The following P4HA1 variants were observed in gnomAD, a reference collection of about 807,000 sequenced individuals.
P4HA1 encodes the protein prolyl 4-hydroxylase subunit alpha-1.
In P4HA1, 24 loss-of-function variants were observed where a neutral mutation model predicts 72.8. The ratio of observed to expected loss-of-function variants is 0.33; its 90% CI spans 0.24 to 0.46. The LOEUF (loss-of-function observed/expected upper bound fraction) is 0.46. Ranked by LOEUF, P4HA1 falls within the 20% of genes least tolerant of loss-of-function variation. The pLI is 1.00. For synonymous variants in P4HA1, 201 were observed against 218.8 expected, an observed-to-expected ratio of 0.92 and a Z score of 0.72; for missense variants, 446 against 640.6, an observed-to-expected ratio of 0.70 and a Z score of 3.28.
Position 73,008,307 on chromosome 10 carries a change from T to C in P4HA1, c.1535-15A>G, listed in dbSNP as rs1224762674. On this transcript the variant is annotated splice_polypyrimidine_tract_variant and intron_variant, in intron 14 of 14. Coordinates refer to ENST00000394890, the MANE Select transcript of P4HA1 (RefSeq NM_001017962.3). ...TTTATTGGATACTGTGAGAGAAAAG[T>C]AATATATTAATTTTCCCCCTTAATC... is the stretch of plus-strand genomic sequence containing the variant. The C allele has an allele frequency of 6.7e-7, 1 of 1,482,886 alleles. No homozygotes were observed. The allele number at this position is 1,482,886 out of a possible 1,614,324, so 91.9% of individuals were successfully genotyped here.
chr10:73,035,775 T>C (rs1312021857), intron 9 of P4HA1, among the ~76,000 whole-genome samples: 2 of 152,248 alleles, frequency 1.3e-5, no homozygotes, highest in Non-Finnish European at 2.9e-5. Flanking sequence ...GATTTACACC[T>C]ACCCATTTCA....
At chr10:73,008,441 G>A in intron 14 of P4HA1, 149 bp from the exon 15 acceptor site, 1 of 589,566 alleles carries the variant, frequency 1.7e-6, no homozygotes. Context: ...TTAAAAACTT[G>A]GCTAAATGCT....
chr10:73,043,762 T>C, intron 9 of P4HA1: 1 of 753,844 alleles, frequency 1.3e-6, no homozygotes, highest in Non-Finnish European at 2.3e-6. Context: ...CCAGCACAGA[T>C]ATTATCAAAC....
chr10:73,041,524 C>T (rs1450337041), intron 9 of P4HA1, among the ~76,000 whole-genome samples: 1 of 140,404 alleles, frequency 7.1e-6, no homozygotes, highest in African/African-American at 2.8e-5. Context: ...CTGGGGGCGA[C>T]AGAGCAAGAC....
In P4HA1 at chr10:73,053,916, C is replaced by CT. The variant is rs112306423; in HGVS notation, c.464-327dup. 2.1e-3 allele frequency among the ~76,000 whole-genome samples: 300 copies of CT among 145,604 alleles called. 1 individual carries two copies. The highest frequency in any genetic ancestry group is 2.4e-3 in the Admixed American group (35 of 14,532). ...AGGAATTACCATATGAGATACATCT[C>CT]TTTTTTTTTTTTTCTTTTGAGACAG... On this transcript the variant is annotated intron_variant, in intron 5 of 14. Transcript: ENST00000394890.
intron 10 of P4HA1, among the ~76,000 whole-genome samples, chr10:73,020,420 AAAAC>A (rs1218006884): frequency 1.3e-5 from 2 of 152,092 alleles, no homozygotes; most frequent in Non-Finnish European, 2.9e-5. Context: ...TAAAAACAAA[AAAAC>A]AAAAAAACAA....
chr10:73,093,240 G>C (rs771215543), intron 1 of P4HA1, among the ~76,000 whole-genome samples: 2 of 152,034 alleles, frequency 1.3e-5, no homozygotes, highest in African/African-American at 2.4e-5. Flanking sequence ...ATGAGGAAGA[G>C]AAAGGCCCAA....
intron 1 of P4HA1, among the ~76,000 whole-genome samples, chr10:73,088,451 T>C (rs1176692133): frequency 6.6e-6 from 1 of 152,204 alleles, no homozygotes; most frequent in African/African-American, 2.4e-5. Context: ...GTTGAAACCA[T>C]GTAAATACCA....
intron 9 of P4HA1, among the ~76,000 whole-genome samples, chr10:73,036,184 T>C (rs1200154719): frequency 1.5e-5 from 2 of 133,696 alleles, no homozygotes; most frequent in African/African-American, 6.2e-5. Flanking sequence ...CAAAACTCCG[T>C]CTCAAAAAAA....
At chr10:73,036,082 G>A (rs1418692294) in intron 9 of P4HA1, among the ~76,000 whole-genome samples, 1 of 151,638 alleles carries the variant, frequency 6.6e-6, no homozygotes, top group East Asian at 1.9e-4. Context: ...CAGCTACTTG[G>A]GAGGCTGAGG....
chr10:73,056,261 C>T (rs551249616), intron 5 of P4HA1, among the ~76,000 whole-genome samples: 2 of 152,030 alleles, frequency 1.3e-5, no homozygotes, highest in African/African-American at 2.4e-5. Context: ...AATGGAATAG[C>T]ATTTTTCATT....
Position 73,080,832 on chromosome 10 carries a change from G to T in P4HA1, c.-32-5917C>A, listed in dbSNP as rs112090251. 2.1e-3 allele frequency among the ~76,000 whole-genome samples: 322 copies of T among 152,280 alleles called. 1 individual carries two copies. Among genetic ancestry groups the T allele is most frequent in the Middle Eastern group, 0.017 (5 of 294 alleles). On this transcript the variant is annotated intron_variant, in intron 1 of 14. Transcript: ENST00000394890. Reference sequence around the variant, plus strand: ...AGTCCCAGCTACTCGGGAGGCTGAGGCAGGAGAATCACTTGAACCCGGGAG... The same window carrying T: ...AGTCCCAGCTACTCGGGAGGCTGAGTCAGGAGAATCACTTGAACCCGGGAG...
chr10:73,068,779 T>C (rs1841483424), intron 5 of P4HA1, 67 bp downstream of exon 5: 4 of 1,253,610 alleles, frequency 3.2e-6, no homozygotes, highest in East Asian at 2.3e-5. Context: ...TATACTAACA[T>C]TGTGTTAATG....
intron 5 of P4HA1, among the ~76,000 whole-genome samples, chr10:73,061,795 A>T (rs1368774601): frequency 6.6e-6 from 1 of 152,056 alleles, no homozygotes; most frequent in Non-Finnish European, 1.5e-5. Context: ...AATTACAAAG[A>T]CCTACTTGAG....
intron 1 of P4HA1, among the ~76,000 whole-genome samples, chr10:73,079,276 G>A (rs1841772483): frequency 6.6e-6 from 1 of 151,712 alleles, no homozygotes; most frequent in African/African-American, 2.4e-5. Flanking sequence ...GGCAACACAA[G>A]GAGACCCCAA....
At chr10:73,061,263 T>C (rs1841305482) in intron 5 of P4HA1, among the ~76,000 whole-genome samples, 1 of 152,128 alleles carries the variant, frequency 6.6e-6, no homozygotes, top group Admixed American at 6.6e-5. Flanking sequence ...TGGAGTTAAT[T>C]TTAAAATTTA....
chr10:73,088,653 C>T (rs1044765918), intron 1 of P4HA1, among the ~76,000 whole-genome samples: 3 of 152,248 alleles, frequency 2.0e-5, no homozygotes, highest in African/African-American at 7.2e-5. Flanking sequence ...CCAATATTCA[C>T]ATAAATTCCT....
At chr10:73,093,015 G>A (rs537060745) in intron 1 of P4HA1, among the ~76,000 whole-genome samples, 1 of 151,930 alleles carries the variant, frequency 6.6e-6, no homozygotes, top group African/African-American at 2.4e-5. Flanking sequence ...GCTACACCCG[G>A]AGGCTGAGGC....
rs573398927 is a variant in P4HA1 at position 73,060,145 on chromosome 10, C to CA, written c.464-6556dup. ...TGATATATTTTAAGGATATAAAGTACAAAAAAACCTGTATTCAGTAGTCTT... is the reference window on the plus strand; with the variant it reads ...TGATATATTTTAAGGATATAAAGTACAAAAAAAACCTGTATTCAGTAGTCTT... On this transcript the variant is annotated intron_variant, in intron 5 of 14. Coordinates refer to ENST00000394890, the MANE Select transcript of P4HA1 (RefSeq NM_001017962.3). 1.2e-3 allele frequency among the ~76,000 whole-genome samples: 178 copies of CA among 151,558 alleles called. 1 individual carries two copies. Among genetic ancestry groups the CA allele is most frequent in the African/African-American group, 4.3e-3 (176 of 41,328 alleles).
Sources: gnomAD v4.1 joint callset for allele counts (sites outside exome capture counted in the v4.1 genomes callset) on GRCh38, gnomAD v4.1.1 for gene constraint, MANE v1.5 for transcripts, NCBI Gene and HGNC (gene_info 2026-07-23, HGNC 2026-07-21) for gene names.